The following XCR1 variants were observed in gnomAD, a reference collection of about 807,000 sequenced individuals.
The protein encoded by XCR1 is X-C motif chemokine receptor 1, also known as chemokine XC receptor 1.
For missense variants in XCR1, 356 were observed against 424.2 expected (o/e 0.84, Z 1.41); for synonymous variants, 187 against 188.5 (o/e 0.99, Z 0.06).
intron 5 of XCR1, among the ~76,000 whole-genome samples, chr3:46,043,717 TACACACACACACACACACAC>T (rs144432920): frequency 2.8e-5 from 4 of 141,474 alleles, no homozygotes; most frequent in Non-Finnish European, 4.7e-5. Context: ...ACCTCATCTC[TACACACACACACACACACAC>T]ACACACACAC....
chr3:46,026,244 C>G (rs1453697992), intron 1 of XCR1, among the ~76,000 whole-genome samples: 1 of 152,118 alleles, frequency 6.6e-6, no homozygotes, highest in Non-Finnish European at 1.5e-5. Context: ...CAGTCATGTT[C>G]TGGGCCTGGA....
At chr3:46,058,769 T>C (rs750625564) in intron 4 of XCR1, among the ~76,000 whole-genome samples, 1 of 152,130 alleles carries the variant, frequency 6.6e-6, no homozygotes, top group Non-Finnish European at 1.5e-5. Context: ...TTTACCATGT[T>C]GCCTAGGCTG....
chr3:46,018,790 C>A lies in XCR1; in HGVS notation c.*2156G>T, dbSNP rs925440097. 3.9e-5 allele frequency: 6 copies of A among 152,220 alleles called. No homozygotes were observed. The highest frequency in any genetic ancestry group is 1.4e-4 in the African/African-American group (6 of 41,448). 9.4% of individuals were successfully genotyped at this position (152,220 alleles called of 1,614,324 possible). On this transcript the variant is annotated 3_prime_UTR_variant, in exon 2 of 2. Coordinates refer to ENST00000309285, the MANE Select transcript of XCR1 (RefSeq NM_001024644.2). ...AGCTCTCTCTAGGTTGGCCAGAGGG[C>A]TACATTGGTATCTACTTTATTCAAT...
chr3:46,075,329 A>AC (rs1252269707), intron 2 of XCR1, among the ~76,000 whole-genome samples: 42 of 150,212 alleles, frequency 2.8e-4, no homozygotes, highest in African/African-American at 9.2e-4. Context: ...AAAAAAAAAA[A>AC]ACAACAAAAA....
intron 4 of XCR1, among the ~76,000 whole-genome samples, chr3:46,055,411 A>T (rs1251363414): frequency 1.3e-5 from 2 of 152,218 alleles, no homozygotes; most frequent in African/African-American, 2.4e-5. Flanking sequence ...GTTGCCAACT[A>T]GTTTGAAGAC....
chr3:46,076,940 G>T (rs1048804620), intron 1 of XCR1, among the ~76,000 whole-genome samples: 2 of 152,152 alleles, frequency 1.3e-5, no homozygotes, highest in Non-Finnish European at 1.5e-5. Context: ...AGAGAGAAAA[G>T]AAACTTTTTA....
intron 5 of XCR1, among the ~76,000 whole-genome samples, chr3:46,050,313 A>T (rs1159491698): frequency 6.6e-6 from 1 of 152,220 alleles, no homozygotes; most frequent in African/African-American, 2.4e-5. Context: ...GCAATACTTA[A>T]CATCGGTCGT....
At chr3:46,076,549 A>G (rs959280097) in intron 2 of XCR1, among the ~76,000 whole-genome samples, 2 of 151,214 alleles carry the variant, frequency 1.3e-5, no homozygotes, top group African/African-American at 4.9e-5. Context: ...CATTTTGTAG[A>G]AGCTTAACAA....
At chr3:46,031,953 G>A (rs1708402476), upstream of XCR1, among the ~76,000 whole-genome samples, 1 of 152,308 alleles carries the variant, frequency 6.6e-6, no homozygotes, top group Non-Finnish European at 1.5e-5. Context: ...CTCCTCTCTG[G>A]TAGGAGCTGA....
intron 5 of XCR1, among the ~76,000 whole-genome samples, chr3:46,052,893 G>A (rs1697775356): frequency 6.6e-6 from 1 of 152,188 alleles, no homozygotes; most frequent in African/African-American, 2.4e-5. Context: ...GATTATACTG[G>A]GACTCCCTCT....
chr3:46,074,261 T>C (rs1698216011), intron 3 of XCR1, among the ~76,000 whole-genome samples: 1 of 142,726 alleles, frequency 7.0e-6, no homozygotes, highest in South Asian at 2.3e-4. Flanking sequence ...CTCTTTTCTG[T>C]TGCCCAGGCT....
chr3:46,018,939 G>A lies in XCR1; in HGVS notation c.*2007C>T, dbSNP rs1367567651. On this transcript the variant is annotated 3_prime_UTR_variant, in exon 2 of 2. Transcript: ENST00000309285. ...CCTAATGAAGGTGCATGTCAGAATC[G>A]CATGGGAAGCTTTTCCAAATCCCCA... is the stretch of plus-strand genomic sequence containing the variant. The A allele has an allele frequency of 2.0e-5, 3 of 151,766 alleles. No homozygotes were observed. Among genetic ancestry groups the A allele is most frequent in the South Asian group, 2.1e-4 (1 of 4,792 alleles). The allele number at this position is 151,766 out of a possible 1,614,324, so 9.4% of individuals were successfully genotyped here.
Position 46,020,925 on chromosome 3 carries a change from G to A in XCR1, c.*21C>T, listed in dbSNP as rs1184538473. ...CCAGTCCCTGTCCACCTGCACCTGCGCCTGCACCGCCACAGGCCCCTCAGT... is the reference window on the plus strand; with the variant it reads ...CCAGTCCCTGTCCACCTGCACCTGCACCTGCACCGCCACAGGCCCCTCAGT... On this transcript the variant is annotated 3_prime_UTR_variant, in exon 2 of 2. Transcript: ENST00000309285. The A allele has an allele frequency of 1.9e-6, 3 of 1,600,646 alleles. No individual in the cohort carries two copies. Among genetic ancestry groups the A allele is most frequent in the South Asian group, 2.2e-5 (2 of 89,290 alleles).
intron 4 of XCR1, among the ~76,000 whole-genome samples, chr3:46,057,992 T>C (rs1697886893): frequency 1.3e-5 from 2 of 152,176 alleles, no homozygotes; most frequent in African/African-American, 4.8e-5. Context: ...CGATCATCTA[T>C]CTTGCTACCT....
rs758306508 is a variant in XCR1, at chr3:46,021,891, G to T, written c.57C>A (p.Ser19Arg). The T allele has an allele frequency of 9.3e-6, 15 of 1,614,098 alleles. No homozygotes were observed. The East Asian group carries it at 3.3e-4, about 36-fold the overall frequency. Residue 19 changes from serine to arginine, a missense_variant, in exon 2 of 2, where the codon AGC (serine) becomes AGA (arginine). Physicochemically the swap from Ser to Arg is moderately radical, Grantham distance 110. Transcript: ENST00000309285. The surrounding 1 kb of genome is among the most constrained non-coding windows in gnomAD (Gnocchi z 4.7). The part of the protein sequence containing the change: ...STTFFYYDLQ[S>R]QPCENQAWVF... ...CCCAGGCCTGGTTCTCACACGGCTG[G>T]CTCTGAAGGTCATAGTAAAAAAAGG... is the stretch of plus-strand genomic sequence containing the variant.
chr3:46,060,827 T>C (rs1490620468), intron 4 of XCR1, among the ~76,000 whole-genome samples: 4 of 152,208 alleles, frequency 2.6e-5, no homozygotes, highest in Admixed American at 6.5e-5. Flanking sequence ...CTACAAGATA[T>C]TGCCATCTGG....
At chr3:46,059,239 T>C (rs1049788951) in intron 4 of XCR1, among the ~76,000 whole-genome samples, 1 of 152,180 alleles carries the variant, frequency 6.6e-6, no homozygotes, top group African/African-American at 2.4e-5. Context: ...TGTGATTAGC[T>C]GAATGAGGAA....
At chr3:46,037,777 G>C (rs1049501653) in intron 5 of XCR1, among the ~76,000 whole-genome samples, 1 of 152,058 alleles carries the variant, frequency 6.6e-6, no homozygotes, top group Non-Finnish European at 1.5e-5. Context: ...TGTCAGTTTG[G>C]CAATTCTTTT....
chr3:46,034,120 C>T (rs967748359), intron 5 of XCR1, among the ~76,000 whole-genome samples: 2 of 151,984 alleles, frequency 1.3e-5, no homozygotes, highest in African/African-American at 2.4e-5. Context: ...TTACAGGTGC[C>T]TGCCCTCATG....
Sources: allele counts gnomAD v4.1 joint callset (sites outside exome capture counted in the v4.1 genomes callset), GRCh38; gene constraint gnomAD v4.1.1; non-coding constraint Gnocchi (gnomAD v3.1); transcripts MANE v1.5; gene names NCBI Gene and HGNC (gene_info 2026-07-23, HGNC 2026-07-21).